ANKRD18A: variants seen among roughly 807,000 people sequenced by gnomAD.
The protein encoded by ANKRD18A is ankyrin repeat domain 18A, also known as ankyrin repeat domain-containing protein 18A.
In ANKRD18A, 72 loss-of-function variants were observed where a neutral mutation model predicts 110.6. The ratio of observed to expected loss-of-function variants is 0.65; its 90% CI spans 0.54 to 0.79. The LOEUF (loss-of-function observed/expected upper bound fraction) is 0.79, where lower values mean the gene tolerates loss of function less well. Among genes scored for constraint, ANKRD18A ranks in the 30% least tolerant of loss-of-function variants. ANKRD18A has a pLI of 0.00. For synonymous variants in ANKRD18A, 305 were observed against 410.3 expected (o/e 0.74, Z 3.10); for missense variants, 934 against 1,163.3 (o/e 0.80, Z 2.87).
At chr9:38,606,691 C>T (rs903479323) in intron 6 of ANKRD18A, among the ~76,000 whole-genome samples, 42 of 152,226 alleles carry the variant, frequency 2.8e-4, no homozygotes, top group African/African-American at 1.0e-3. Context: ...CCCTAACCCC[C>T]ACAATATTCA....
At position 38,615,664 on chromosome 9, in the gene ANKRD18A, A is replaced by G; in HGVS notation, c.425T>C (p.Val142Ala). Reference sequence around the variant, plus strand: ...TGCCAGTGAAGTCCCCTTATTATACACGGCATAATGGAGAGCAGTGTTGCC... The same window carrying G: ...TGCCAGTGAAGTCCCCTTATTATACGCGGCATAATGGAGAGCAGTGTTGCC... ...IYGNTALHYA[V>A]YNKGTSLAER... is the part of the protein sequence containing the mutation. The change falls in exon 3 of 16, where the codon GTG (valine) becomes GCG (alanine). Residue 142 changes from valine to alanine, a missense_variant. Physicochemically the swap from Val to Ala is moderately conservative, Grantham distance 64 (BLOSUM62 0). Coordinates refer to ENST00000399703, the MANE Select transcript of ANKRD18A (RefSeq NM_147195.4). 6.2e-7 allele frequency: 1 copy of G among 1,611,952 alleles called. No individual in the cohort carries two copies. Among genetic ancestry groups the G allele is most frequent in the Non-Finnish European group, 8.5e-7 (1 of 1,179,750 alleles).
chr9:38,597,003 A>G (rs556584878), intron 8 of ANKRD18A, among the ~76,000 whole-genome samples: 4 of 152,300 alleles, frequency 2.6e-5, no homozygotes, highest in African/African-American at 9.6e-5. Flanking sequence ...CTTAAAAAAG[A>G]CAGGTTAAAA....
chr9:38,614,236 T>G (rs1487888406), intron 3 of ANKRD18A, among the ~76,000 whole-genome samples: 6,948 of 144,692 alleles, frequency 0.048, 527 homozygotes, highest in African/African-American at 0.16. Context: ...TTTTTTTTTT[T>G]TTTTTTTGCT....
chr9:38,583,938 A>C (rs1015778263), intron 12 of ANKRD18A, among the ~76,000 whole-genome samples: 6 of 152,180 alleles, frequency 3.9e-5, no homozygotes, highest in Non-Finnish European at 8.8e-5. Flanking sequence ...AGATAAGGGA[A>C]CCTGCACAGG....
intron 1 of ANKRD18A, among the ~76,000 whole-genome samples, chr9:38,619,614 C>T (rs566886132): frequency 6.6e-6 from 1 of 152,244 alleles, no homozygotes; most frequent in African/African-American, 2.4e-5. Flanking sequence ...AACTGATAAA[C>T]ATGGAAACAG....
chr9:38,614,132 A>T (rs531884624), intron 3 of ANKRD18A, among the ~76,000 whole-genome samples: 204 of 149,462 alleles, frequency 1.4e-3, no homozygotes, highest in Admixed American at 5.1e-3. Flanking sequence ...TCTTTTAGAG[A>T]TTTCTTATGT....
intron 12 of ANKRD18A, among the ~76,000 whole-genome samples, chr9:38,578,491 C>A (rs1211563010): frequency 6.6e-6 from 1 of 152,066 alleles, no homozygotes; most frequent in Non-Finnish European, 1.5e-5. Flanking sequence ...CATCATTCCC[C>A]AAAATTTGTC....
intron 3 of ANKRD18A, among the ~76,000 whole-genome samples, chr9:38,615,235 T>G (rs1825800957): frequency 6.6e-6 from 1 of 152,130 alleles, no homozygotes; most frequent in African/African-American, 2.4e-5. Flanking sequence ...CAGCAAGACT[T>G]CCATTTATTG....
At chr9:38,579,953 A>G (rs1824082040) in intron 12 of ANKRD18A, among the ~76,000 whole-genome samples, 1 of 152,250 alleles carries the variant, frequency 6.6e-6, no homozygotes, top group African/African-American at 2.4e-5. Context: ...ATGAATGGAC[A>G]AAAAAATTGT....
intron 12 of ANKRD18A, among the ~76,000 whole-genome samples, chr9:38,584,795 G>A (rs1362994210): frequency 1.3e-5 from 2 of 151,990 alleles, no homozygotes; most frequent in Non-Finnish European, 2.9e-5. Context: ...TTTATATTGA[G>A]GAGCAAGACC....
intron 5 of ANKRD18A, 74 bp from the exon 6 acceptor site, chr9:38,607,567 C>A (rs1476876447): frequency 1.7e-5 from 18 of 1,071,292 alleles, no homozygotes; most frequent in Non-Finnish European, 2.3e-5. Flanking sequence ...AGATTAAATT[C>A]TTAAAGCATT....
At chr9:38,585,321 T>C (rs1824334305) in intron 12 of ANKRD18A, among the ~76,000 whole-genome samples, 1 of 152,248 alleles carries the variant, frequency 6.6e-6, no homozygotes, top group Non-Finnish European at 1.5e-5. Context: ...ACAGATTTTC[T>C]TTATCAATTG....
intron 8 of ANKRD18A, among the ~76,000 whole-genome samples, chr9:38,599,800 A>C (rs1415181088): frequency 6.6e-6 from 1 of 152,130 alleles, no homozygotes; most frequent in East Asian, 1.9e-4. Context: ...GAATATACAG[A>C]TATATCCTCT....
rs1439443992 is a variant in ANKRD18A, at chr9:38,607,245, T to A, written c.808+181A>T. ...CTAATTTTTGTATTTTTAGTAGACA[T>A]GGGGTTTCACCATGTTAGCCAGGCT... is the stretch of plus-strand genomic sequence containing the variant. On this transcript the variant is annotated intron_variant, in intron 6 of 15. Coordinates refer to ENST00000399703, the MANE Select transcript of ANKRD18A (RefSeq NM_147195.4). Among the ~76,000 whole-genome samples, 4 of 152,216 alleles carry A rather than the reference T, an allele frequency of 2.6e-5. No individual in the cohort carries two copies. The East Asian group carries it at 7.7e-4, about 29-fold the overall frequency.
chr9:38,577,013 G>C lies in ANKRD18A; in HGVS notation c.2741+40C>G, dbSNP rs7048944. 1,719 of 1,516,746 alleles carry C rather than the reference G, an allele frequency of 1.1e-3. 15 individuals carry two copies. In the African/African-American group the frequency reaches 0.022, roughly 19 times the overall value. 94.0% of individuals were successfully genotyped at this position (1,516,746 alleles called of 1,614,324 possible). A position where few individuals can be genotyped will look rare whatever the true frequency, so the allele number is the denominator to read the frequency against. On this transcript the variant is annotated intron_variant, in intron 14 of 15. Transcript: ENST00000399703. ...AATTATGCTTTTAAGACAAATTAAT[G>C]AGCTGAATTCATTTTCTATGAGTGT...
intron 3 of ANKRD18A, among the ~76,000 whole-genome samples, chr9:38,613,349 A>G (rs1328454165): frequency 1.3e-5 from 2 of 152,194 alleles, no homozygotes; most frequent in Admixed American, 1.3e-4. Context: ...GAACAAATCT[A>G]TACGCCACAT....
At chr9:38,573,542 C>A (rs1378143608) in intron 15 of ANKRD18A, among the ~76,000 whole-genome samples, 1 of 151,988 alleles carries the variant, frequency 6.6e-6, no homozygotes, top group Non-Finnish European at 1.5e-5. Context: ...TGATGAAACC[C>A]TATCTCTACT....
intron 12 of ANKRD18A, among the ~76,000 whole-genome samples, chr9:38,584,758 T>C (rs1397911899): frequency 6.6e-6 from 1 of 152,106 alleles, no homozygotes; most frequent in Non-Finnish European, 1.5e-5. Context: ...AAATGAAAAA[T>C]CTTTCACTGC....
chr9:38,603,986 G>C (rs554465156), intron 6 of ANKRD18A, among the ~76,000 whole-genome samples: 1 of 152,134 alleles, frequency 6.6e-6, no homozygotes, highest in Non-Finnish European at 1.5e-5. Flanking sequence ...TGAGCATGTG[G>C]TGTGACCCAG....
Sources: allele counts gnomAD v4.1 joint callset (sites outside exome capture counted in the v4.1 genomes callset), GRCh38; gene constraint gnomAD v4.1.1; transcripts MANE v1.5; gene names NCBI Gene and HGNC (gene_info 2026-07-23, HGNC 2026-07-21).